PLOD1: variants seen among roughly 807,000 people sequenced by gnomAD.
PLOD1 encodes lysine hydroxylase.
A neutral mutation model predicts 94.7 loss-of-function variants in PLOD1; 70 were observed. That is an observed-to-expected ratio of 0.74 (90% CI 0.61 to 0.90). The LOEUF (loss-of-function observed/expected upper bound fraction) is 0.90. Ranked by LOEUF, PLOD1 falls within the 40% of genes least tolerant of loss-of-function variation. The pLI is 0.00. For synonymous variants in PLOD1, 417 were observed against 400.2 expected (o/e 1.04, Z -0.50); for missense variants, 905 against 972.7 (o/e 0.93, Z 0.93).
Position 11,953,448 on chromosome 1 carries a change from T to TGTG in PLOD1, c.579+713_579+714insGTG, listed in dbSNP as rs1234295007. On this transcript the variant is annotated intron_variant, in intron 5 of 18. Coordinates refer to ENST00000196061, the MANE Select transcript of PLOD1 (RefSeq NM_000302.4). ...GTTCCAATCCCAGCTCACCATTTAC[T>TGTG]AGCTGTGTGACATTGGGCAACTTCT... is the stretch of plus-strand genomic sequence containing the variant. Among the ~76,000 whole-genome samples the TGTG allele has an allele frequency of 2.0e-5, 3 of 152,232 alleles. No individual in the cohort carries two copies. The East Asian group carries it at 5.8e-4, about 29-fold the overall frequency.
intron 5 of PLOD1, 98 bp from the exon 6 acceptor site, chr1:11,954,727 TGAGGG>T: frequency 1.3e-5 from 12 of 906,674 alleles, no homozygotes; most frequent in Non-Finnish European, 2.1e-5. Context: ...GTGTGGGGAA[TGAGGG>T]CTGAACTTGG....
At chr1:11,966,377 A>T (rs897904193) in intron 15 of PLOD1, 61 bp downstream of exon 15, 3 of 1,205,082 alleles carry the variant, frequency 2.5e-6, no homozygotes, top group Non-Finnish European at 3.5e-6. Flanking sequence ...AGGGCACAGA[A>T]GGGAAACTGC....
chr1:11,938,296 T>C (rs1242155733), intron 1 of PLOD1, among the ~76,000 whole-genome samples: 4 of 152,128 alleles, frequency 2.6e-5, no homozygotes, highest in Non-Finnish European at 5.9e-5. Context: ...ATTTTGGAGA[T>C]GGGAAGACTG....
chr1:11,969,363 T>C (rs1645845150), intron 16 of PLOD1, among the ~76,000 whole-genome samples: 1 of 152,196 alleles, frequency 6.6e-6, no homozygotes, highest in Non-Finnish European at 1.5e-5. Flanking sequence ...CATGAGACCC[T>C]GGACCTGTGT....
intron 16 of PLOD1, among the ~76,000 whole-genome samples, chr1:11,967,789 G>A (rs1473041996): frequency 6.7e-6 from 1 of 149,038 alleles, no homozygotes; most frequent in Non-Finnish European, 1.5e-5. Context: ...TCACTCTGTC[G>A]CCCAGGCTGG....
chr1:11,946,551 TG>T (rs1645655825), intron 1 of PLOD1, among the ~76,000 whole-genome samples: 1 of 152,218 alleles, frequency 6.6e-6, no homozygotes, highest in Non-Finnish European at 1.5e-5. Context: ...ATGTCTGTCC[TG>T]GGTTAGGTAT....
chr1:11,954,509 G>T, intron 5 of PLOD1: 1 of 616,464 alleles, frequency 1.6e-6, no homozygotes, highest in South Asian at 1.4e-5. Context: ...ATTTGGAGTA[G>T]CTATGTGCGT....
rs752801249 is a variant in PLOD1, at chr1:11,970,579, G to A, written c.1756-91G>A. Reference sequence around the variant, plus strand: ...TCAGTTTTGTCATGTAATGTGGTCCGGTCACATTCCCGGGTGTAGGAGAGG... The same window carrying A: ...TCAGTTTTGTCATGTAATGTGGTCCAGTCACATTCCCGGGTGTAGGAGAGG... On this transcript the variant is annotated intron_variant, in intron 16 of 18. Transcript: ENST00000196061. The A allele has an allele frequency of 7.8e-5, 93 of 1,199,430 alleles. No individual in the cohort carries two copies. In the Middle Eastern group the frequency reaches 9.4e-4, roughly 12 times the overall value. 74.3% of individuals were successfully genotyped at this position (1,199,430 alleles called of 1,614,324 possible).
chr1:11,951,209 A>G (rs1645698449), intron 4 of PLOD1, among the ~76,000 whole-genome samples: 1 of 152,152 alleles, frequency 6.6e-6, no homozygotes, highest in African/African-American at 2.4e-5. Flanking sequence ...CTGCTCTGCC[A>G]TTCCCTACCC....
At position 11,952,665 on chromosome 1, in the gene PLOD1, A is replaced by T. The variant is rs554232128; in HGVS notation, c.509A>T (p.Glu170Val). The T allele has an allele frequency of 1.4e-3, 2,225 of 1,614,096 alleles. 30 individuals carry two copies. In the South Asian group the frequency reaches 0.022, roughly 16 times the overall value. The change falls in exon 5 of 19, where the codon GAG (glutamate) becomes GTG (valine). Residue 170 changes from glutamate to valine, a missense_variant. Coordinates refer to ENST00000196061, the MANE Select transcript of PLOD1 (RefSeq NM_000302.4). ...YAPNLSKLVA[E>V]WEGQDSDSDQ... ...CCCAACCTCAGCAAACTGGTGGCCG[A>T]GTGGGAGGGCCAGGACAGCGACAGC... is the stretch of plus-strand genomic sequence containing the variant.
At chr1:11,962,389 G>A (rs970232275) in intron 10 of PLOD1, among the ~76,000 whole-genome samples, 10 of 142,258 alleles carry the variant, frequency 7.0e-5, no homozygotes, top group Non-Finnish European at 1.5e-5. Flanking sequence ...CCATTCTCCT[G>A]TCTTAGCCTC....
intron 2 of PLOD1, among the ~76,000 whole-genome samples, chr1:11,949,505 C>T (rs1368703440): frequency 2.0e-5 from 3 of 152,290 alleles, no homozygotes; most frequent in Non-Finnish European, 2.9e-5. Flanking sequence ...CTGGAACCCC[C>T]ACCTCCCGGG....
In PLOD1 at chr1:11,950,369, G is replaced by A. The variant is rs779398093; in HGVS notation, c.315G>A (p.Leu105=). The A allele has an allele frequency of 3.7e-6, 6 of 1,614,082 alleles. No homozygotes were observed. The highest frequency in any genetic ancestry group is 2.2e-5 in the South Asian group (2 of 91,082). The part of the protein sequence containing the change: ...VILFADSYDV[L]FASGPRELLK... ...GCTCTGGCCACAGCTATGACGTGCT[G>A]TTTGCATCGGGGCCCCGGGAGCTCC... is the stretch of plus-strand genomic sequence containing the variant. The change falls in exon 4 of 19, where the codon CTG becomes CTA. Residue 105 remains leucine, a synonymous_variant. Transcript: ENST00000196061.
intron 4 of PLOD1, among the ~76,000 whole-genome samples, chr1:11,950,919 A>G (rs1036218153): frequency 2.0e-5 from 3 of 152,072 alleles, no homozygotes; most frequent in African/African-American, 7.2e-5. Context: ...TCAGCCATCC[A>G]AGTCACTGGG....
intron 13 of PLOD1, 150 bp from the exon 14 acceptor site, chr1:11,965,330 G>A (rs1267679599): frequency 7.6e-6 from 5 of 656,378 alleles, no homozygotes; most frequent in African/African-American, 1.8e-5. Context: ...TGGGGACATA[G>A]CGGTGACTGC....
At chr1:11,938,596 G>T (rs1557480576) in intron 1 of PLOD1, among the ~76,000 whole-genome samples, 1 of 152,122 alleles carries the variant, frequency 6.6e-6, no homozygotes, top group Non-Finnish European at 1.5e-5. Flanking sequence ...TACCCCAGCA[G>T]CCCCCAAAGA....
In PLOD1 at chr1:11,957,896, G is replaced by A; in HGVS notation, c.796G>A (p.Gly266Ser). 1 of 1,614,108 alleles carries A rather than the reference G, an allele frequency of 6.2e-7. No homozygotes were observed. The highest frequency in any genetic ancestry group is 8.5e-7 in the Non-Finnish European group (1 of 1,179,980). Reference sequence around the variant, plus strand: ...CCCGCGCTTCTGGACCTTCGAAACAGGCTGCACCGTGTGTGACGAAGGCTT... The same window carrying A: ...CCCGCGCTTCTGGACCTTCGAAACAAGCTGCACCGTGTGTGACGAAGGCTT... The part of the protein sequence containing the change: ...YIPRFWTFET[G>S]CTVCDEGLRS... Residue 266 changes from glycine to serine, a missense_variant, in exon 8 of 19, where the codon GGC becomes AGC. By Grantham distance (56) the Gly-to-Ser change is moderately conservative. Coordinates refer to ENST00000196061, the MANE Select transcript of PLOD1 (RefSeq NM_000302.4). This position sits in a 1 kb window ranked among gnomAD's most constrained non-coding sequence, Gnocchi z 4.1.
chr1:11,951,085 C>A (rs1168412760), intron 4 of PLOD1, among the ~76,000 whole-genome samples: 1 of 152,032 alleles, frequency 6.6e-6, no homozygotes, highest in Non-Finnish European at 1.5e-5. Context: ...TGAGTCACCA[C>A]ACCTGGCCAC....
At chr1:11,964,153 C>T in intron 11 of PLOD1, 22 bp from the exon 12 acceptor site, 1 of 1,613,170 alleles carries the variant, frequency 6.2e-7, no homozygotes, top group Non-Finnish European at 8.5e-7. Flanking sequence ...CGACCTCCTA[C>T]TGAGGTGCTC....
Sources: gnomAD v4.1 joint callset for allele counts (sites outside exome capture counted in the v4.1 genomes callset) on GRCh38, gnomAD v4.1.1 for gene constraint, Gnocchi (gnomAD v3.1) non-coding constraint, MANE v1.5 for transcripts, NCBI Gene and HGNC (gene_info 2026-07-23, HGNC 2026-07-21) for gene names.